The following FRMD3 variants were observed in gnomAD, a reference collection of about 807,000 sequenced individuals.
The protein encoded by FRMD3 is FERM domain containing 3.
Under a neutral mutation model 70.2 loss-of-function variants are expected in FRMD3, and 33 were observed. The ratio of observed to expected loss-of-function variants is 0.47; its 90% CI spans 0.36 to 0.63. FRMD3 has a LOEUF of 0.63. FRMD3 is among the 20% of genes least tolerant of loss of function. The pLI is 0.00. For missense variants in FRMD3, 632 were observed against 711.4 expected (o/e 0.89, Z 1.27); for synonymous variants, 279 against 255.9 (o/e 1.09, Z -0.86).
At chr9:83,484,797 T>G (rs1377070309) in intron 1 of FRMD3, among the ~76,000 whole-genome samples, 1 of 152,220 alleles carries the variant, frequency 6.6e-6, no homozygotes, top group Admixed American at 6.5e-5. Flanking sequence ...AGAGAAATGA[T>G]GCCAGCTTAG....
chr9:83,283,458 G>A (rs1587674667), intron 13 of FRMD3, among the ~76,000 whole-genome samples: 1 of 151,302 alleles, frequency 6.6e-6, no homozygotes, highest in African/African-American at 2.4e-5. Flanking sequence ...GTGAACCCAG[G>A]AGGTGGAGCT....
rs773592982 is a variant in FRMD3, at chr9:83,248,357, C to T, written c.1355G>A (p.Ser452Asn). Residue 452 changes from serine (S) to asparagine (N), a missense_variant, in exon 14 of 14, where the codon AGC (serine) becomes AAC (asparagine). Coordinates refer to ENST00000304195, the MANE Select transcript of FRMD3 (RefSeq NM_174938.6). ...ISELVYNPSA[S>N]LLPTPVDDDE... Reference sequence around the variant, plus strand: ...GTCATCCACAGGGGTGGGGAGCAGGCTGGCACTTGGGTTGTACACTAGTTC... The same window carrying T: ...GTCATCCACAGGGGTGGGGAGCAGGTTGGCACTTGGGTTGTACACTAGTTC... 7 of 1,614,150 alleles carry T rather than the reference C, an allele frequency of 4.3e-6. No individual in the cohort carries two copies. Among genetic ancestry groups the T allele is most frequent in the Non-Finnish European group, 5.9e-6 (7 of 1,180,022 alleles).
At chr9:83,295,115 G>T (rs1834607511) in intron 12 of FRMD3, among the ~76,000 whole-genome samples, 2 of 152,170 alleles carry the variant, frequency 1.3e-5, no homozygotes, top group African/African-American at 4.8e-5. Flanking sequence ...TTGTCATTAA[G>T]AACTCTATTG....
intron 13 of FRMD3, among the ~76,000 whole-genome samples, chr9:83,270,660 TCTCTGAGC>T (rs1263011010): frequency 5.3e-5 from 8 of 152,218 alleles, no homozygotes; most frequent in Non-Finnish European, 7.3e-5. Context: ...TCGTTTATCA[TCTCTGAGC>T]CTCAGTTTCC....
chr9:83,349,884 G>T, intron 3 of FRMD3, 127 bp from the exon 4 acceptor site: 156 of 497,474 alleles, frequency 3.1e-4, no homozygotes, highest in Non-Finnish European at 3.7e-4. Context: ...GGGGGTGATT[G>T]TTTTGGAAGA....
intron 1 of FRMD3, among the ~76,000 whole-genome samples, chr9:83,490,393 A>T (rs1587466636): frequency 6.6e-6 from 1 of 152,128 alleles, no homozygotes; most frequent in African/African-American, 2.4e-5. Context: ...GGTTCAAGTG[A>T]TTCTCATGCC....
Position 83,516,139 on chromosome 9 carries a change from C to T in FRMD3, c.147+21946G>A, listed in dbSNP as rs534878443. Among the ~76,000 whole-genome samples the T allele has an allele frequency of 1.6e-4, 25 of 152,048 alleles. No homozygotes were observed. In the South Asian group the frequency reaches 2.9e-3, roughly 18 times the overall value. On this transcript the variant is annotated intron_variant, in intron 1 of 13. Transcript: ENST00000304195. ...TAACAATATAAACCTTAAATGTAAA[C>T]GAGCTAAATGCCCCAATTAAAAGAC...
chr9:83,438,894 C>T (rs187031959), intron 1 of FRMD3, among the ~76,000 whole-genome samples: 4 of 152,312 alleles, frequency 2.6e-5, no homozygotes, highest in Admixed American at 2.6e-4. Context: ...CATAGCCTTC[C>T]TCCCACAAAA....
the FRMD3 span, among the ~76,000 whole-genome samples, chr9:83,551,689 T>G: frequency 2.0e-5 from 3 of 152,208 alleles, no homozygotes; most frequent in Non-Finnish European, 4.4e-5. Context: ...AATTTCTTCC[T>G]GGCTCAGTCT....
At chr9:83,365,507 C>T (rs967811671) in intron 3 of FRMD3, among the ~76,000 whole-genome samples, 24 of 151,974 alleles carry the variant, frequency 1.6e-4, no homozygotes, top group African/African-American at 4.8e-4. Flanking sequence ...ATATTAATCT[C>T]GTATCCAAAG....
intron 1 of FRMD3, among the ~76,000 whole-genome samples, chr9:83,409,931 G>A (rs993689422): frequency 3.9e-5 from 6 of 152,122 alleles, no homozygotes; most frequent in Non-Finnish European, 8.8e-5. Flanking sequence ...AGCATTCCCT[G>A]GATCAAGTGT....
At chr9:83,362,175 TTCTCTCTCTCTCTCTCTC>T (rs67469418) in intron 3 of FRMD3, among the ~76,000 whole-genome samples, 2 of 146,920 alleles carry the variant, frequency 1.4e-5, no homozygotes, top group African/African-American at 5.1e-5. Context: ...ATGCTGTTGG[TTCTCTCTCTCTCTCTCTC>T]TCTCTCTCTC....
intron 13 of FRMD3, among the ~76,000 whole-genome samples, chr9:83,273,333 C>T (rs1833676183): frequency 1.3e-5 from 2 of 151,038 alleles, no homozygotes; most frequent in African/African-American, 4.9e-5. Flanking sequence ...AACCTTACCC[C>T]CAACCCCGTG....
At chr9:83,324,075 T>G (rs1369491998) in intron 6 of FRMD3, among the ~76,000 whole-genome samples, 1 of 152,092 alleles carries the variant, frequency 6.6e-6, no homozygotes, top group East Asian at 1.9e-4. Flanking sequence ...ACATAAAACA[T>G]GGGAAGTTCA....
chr9:83,272,752 C>T (rs1262098364), intron 13 of FRMD3, among the ~76,000 whole-genome samples: 5 of 150,416 alleles, frequency 3.3e-5, no homozygotes, highest in Admixed American at 6.6e-5. Context: ...TCTGCCCGGC[C>T]GCCCATCATC....
chr9:83,414,616 T>TA (rs1321986918), intron 1 of FRMD3, among the ~76,000 whole-genome samples: 3 of 152,190 alleles, frequency 2.0e-5, no homozygotes, highest in African/African-American at 7.2e-5. Context: ...AGGATATATA[T>TA]TTTTTTAAAC....
Position 83,331,739 on chromosome 9 carries a change from A to C in FRMD3, c.596+3777T>G, listed in dbSNP as rs188856031. On this transcript the variant is annotated intron_variant, in intron 6 of 13. Transcript: ENST00000304195. ...TTCCTTTCAATTTTGCTGTAAACCT[A>C]AACATCTCTTTTAAAAAATAAAGTC... 3 of 680,304 alleles carry C rather than the reference A, an allele frequency of 4.4e-6. No homozygotes were observed. The East Asian group carries it at 8.1e-5, about 18-fold the overall frequency. 42.1% of individuals were successfully genotyped at this position (680,304 alleles called of 1,614,324 possible).
In FRMD3 at chr9:83,294,012, C is replaced by T. The variant is rs149604879; in HGVS notation, c.1071-3285G>A. ...TCAGCAACATTAAAAAACAACAGGC[C>T]AAGTCTCCCACCTTTCGCTATTGTG... On this transcript the variant is annotated intron_variant, in intron 12 of 13. Coordinates refer to ENST00000304195, the MANE Select transcript of FRMD3 (RefSeq NM_174938.6). Among the ~76,000 whole-genome samples the T allele has an allele frequency of 9.2e-5, 14 of 152,284 alleles. No homozygotes were observed. The East Asian group carries it at 2.5e-3, about 27-fold the overall frequency.
At chr9:83,503,801 A>G (rs1003542919) in intron 1 of FRMD3, among the ~76,000 whole-genome samples, 3 of 152,220 alleles carry the variant, frequency 2.0e-5, no homozygotes, top group African/African-American at 4.8e-5. Flanking sequence ...GGGCCAGATG[A>G]GTCCAGATTC....
Sources: allele counts gnomAD v4.1 joint callset (sites outside exome capture counted in the v4.1 genomes callset), GRCh38; gene constraint gnomAD v4.1.1; transcripts MANE v1.5; gene names NCBI Gene and HGNC (gene_info 2026-07-23, HGNC 2026-07-21).